Variants in LNPEP observed in about 807,000 individuals in gnomAD.
LNPEP encodes the protein leucyl and cystinyl aminopeptidase, also known as leucyl-cystinyl aminopeptidase.
In LNPEP, 64 loss-of-function variants were observed where a neutral mutation model predicts 120.6. The ratio of observed to expected loss-of-function variants is 0.53; its 90% CI spans 0.43 to 0.65. The LOEUF (loss-of-function observed/expected upper bound fraction) is 0.65. Ranked by LOEUF, LNPEP falls within the 30% of genes least tolerant of loss-of-function variation. The pLI is 0.00. For synonymous variants in LNPEP, 435 were observed against 425.4 expected, an observed-to-expected ratio of 1.02 and a Z score of -0.28; for missense variants, 1,057 against 1,200.0, an observed-to-expected ratio of 0.88 and a Z score of 1.76.
In LNPEP at chr5:97,025,210, G is replaced by A. The variant is rs116641826; in HGVS notation, c.2723+528G>A. Among the ~76,000 whole-genome samples, 975 of 152,272 alleles carry A rather than the reference G, an allele frequency of 6.4e-3. 4 individuals carry two copies. Among genetic ancestry groups the A allele is most frequent in the African/African-American group, 0.023 (949 of 41,540 alleles). The stretch of plus-strand genomic sequence containing the variant: ...CCTGACAGGAAGAACAGGCAGTGGT[G>A]GGGTAGAGGAGCTCTACATAGCCAA... On this transcript the variant is annotated intron_variant, in intron 15 of 17. Transcript: ENST00000231368.
At chr5:96,992,460 T>C (rs549556317) in intron 4 of LNPEP, among the ~76,000 whole-genome samples, 44 of 152,316 alleles carry the variant, frequency 2.9e-4, no homozygotes, top group Non-Finnish European at 5.6e-4. Context: ...GGTCTATAAT[T>C]GGTTTTTCTA....
intron 1 of LNPEP, among the ~76,000 whole-genome samples, chr5:96,941,636 T>C (rs1161502045): frequency 6.6e-6 from 1 of 152,142 alleles, no homozygotes; most frequent in Non-Finnish European, 1.5e-5. Context: ...ATATGGCCGT[T>C]ATAGAGAGTG....
chr5:96,996,610 G>C, intron 7 of LNPEP, 107 bp downstream of exon 7: 1 of 649,508 alleles, frequency 1.5e-6, no homozygotes. Flanking sequence ...ATGTTTCTAG[G>C]AAGGTATGCC....
chr5:97,008,593 C>A (rs1176646164), intron 11 of LNPEP, among the ~76,000 whole-genome samples: 1 of 150,764 alleles, frequency 6.6e-6, no homozygotes, highest in Non-Finnish European at 1.5e-5. Flanking sequence ...CTCAAGTGAT[C>A]CTCCTGCTTT....
rs1791574189 is a variant in LNPEP, at chr5:97,036,436, G to A, written c.*7903G>A. The stretch of plus-strand genomic sequence containing the variant: ...AATTTAAGCCATTGCTGCCTCATTA[G>A]CCTTGTATTTTGTGTGCATATCATG... On this transcript the variant is annotated 3_prime_UTR_variant, in exon 18 of 18. Coordinates refer to ENST00000231368, the MANE Select transcript of LNPEP (RefSeq NM_005575.3). 3 of 152,106 alleles carry A rather than the reference G, an allele frequency of 2.0e-5. No individual in the cohort carries two copies. The South Asian group carries it at 6.2e-4, about 31-fold the overall frequency. 9.4% of individuals were successfully genotyped at this position (152,106 alleles called of 1,614,324 possible). A position where few individuals can be genotyped will look rare whatever the true frequency, so the allele number is the denominator to read the frequency against.
intron 6 of LNPEP, among the ~76,000 whole-genome samples, chr5:96,995,429 A>C (rs1790493167): frequency 6.6e-6 from 1 of 152,024 alleles, no homozygotes; most frequent in African/African-American, 2.4e-5. Context: ...TTTAAGGAGA[A>C]TCTCCTATTA....
chr5:97,027,813 A>G lies in LNPEP; in HGVS notation c.2945A>G (p.Glu982Gly). ...TTTTCAACAAAGACACATTTATCTG[A>G]GGTTGGTTTTATAAAATGATAATAC... ...YLFSTKTHLS[E>G]VQAFFENQSE... The change falls in exon 17 of 18, where the codon GAG becomes GGG. Residue 982 changes from glutamate (E) to glycine (G), a missense_variant and splice_region_variant. Coordinates refer to ENST00000231368, the MANE Select transcript of LNPEP (RefSeq NM_005575.3). 6.3e-7 allele frequency: 1 copy of G among 1,595,302 alleles called. No individual in the cohort carries two copies. Among genetic ancestry groups the G allele is most frequent in the Non-Finnish European group, 8.6e-7 (1 of 1,162,902 alleles).
chr5:96,994,966 G>T (rs905313973), intron 6 of LNPEP, among the ~76,000 whole-genome samples: 3 of 152,148 alleles, frequency 2.0e-5, no homozygotes, highest in Non-Finnish European at 4.4e-5. Flanking sequence ...AAATTAGCTG[G>T]GCGTGGTGGT....
chr5:96,967,328 A>G (rs1313374349), intron 1 of LNPEP, among the ~76,000 whole-genome samples: 1 of 151,826 alleles, frequency 6.6e-6, no homozygotes, highest in Admixed American at 6.6e-5. Flanking sequence ...TTTTTTTGGT[A>G]GAAGCTGGGT....
Position 96,990,080 on chromosome 5 carries a change from A to T in LNPEP, c.1132-2935A>T, listed in dbSNP as rs1462487205. Among the ~76,000 whole-genome samples the T allele has an allele frequency of 2.6e-5, 4 of 152,234 alleles. No homozygotes were observed. The East Asian group carries it at 7.7e-4, about 29-fold the overall frequency. On this transcript the variant is annotated intron_variant, in intron 4 of 17. Coordinates refer to ENST00000231368, the MANE Select transcript of LNPEP (RefSeq NM_005575.3). ...TCTTCTAGATTATTGAGGCAACTGT[A>T]ACACAAGATATGTTTGTCTGGAAAG...
intron 1 of LNPEP, among the ~76,000 whole-genome samples, chr5:96,954,883 T>C (rs1397852037): frequency 7.0e-6 from 1 of 143,018 alleles, no homozygotes; most frequent in Non-Finnish European, 1.5e-5. Context: ...CCTGGGTTCA[T>C]GCCATTCTCC....
chr5:96,945,845 C>T (rs912924380), intron 1 of LNPEP, among the ~76,000 whole-genome samples: 7 of 152,150 alleles, frequency 4.6e-5, no homozygotes, highest in African/African-American at 1.4e-4. Flanking sequence ...CCAAGATCCT[C>T]TTTAGAGGAA....
At chr5:96,970,177 T>C (rs1471889144) in intron 1 of LNPEP, among the ~76,000 whole-genome samples, 1 of 152,088 alleles carries the variant, frequency 6.6e-6, no homozygotes, top group African/African-American at 2.4e-5. Context: ...ATTCTGTGAA[T>C]GTCAGGTCAA....
intron 1 of LNPEP, among the ~76,000 whole-genome samples, chr5:96,971,634 C>G (rs1789865995): frequency 6.6e-6 from 1 of 151,804 alleles, no homozygotes; most frequent in Non-Finnish European, 1.5e-5. Flanking sequence ...AATGATCTGT[C>G]AAGTTTATGG....
intron 11 of LNPEP, among the ~76,000 whole-genome samples, chr5:97,009,900 C>CT (rs1247476958): frequency 1.3e-5 from 2 of 152,022 alleles, no homozygotes; most frequent in African/African-American, 4.8e-5. Flanking sequence ...TGCTGTAATA[C>CT]TTTAGTATAG....
In LNPEP at chr5:97,013,841, A is replaced by T; in HGVS notation, c.2219+10A>T. The stretch of plus-strand genomic sequence containing the variant: ...TCTTTGAACTTGCAGGGTAGAGTAT[A>T]CTTAGTTTGAGATTTTTTCTTTTTT... On this transcript the variant is annotated intron_variant, in intron 12 of 17. Transcript: ENST00000231368. 1.3e-6 allele frequency: 2 copies of T among 1,561,692 alleles called. No individual in the cohort carries two copies. Among genetic ancestry groups the T allele is most frequent in the Non-Finnish European group, 8.6e-7 (1 of 1,158,058 alleles).
chr5:96,953,982 A>G (rs1212957180), intron 1 of LNPEP, among the ~76,000 whole-genome samples: 2 of 152,186 alleles, frequency 1.3e-5, no homozygotes, highest in African/African-American at 4.8e-5. Context: ...TTTGATTACT[A>G]GGTACATTGC....
At position 96,979,422 on chromosome 5, in the gene LNPEP, G is replaced by T. The variant is rs1200307124; in HGVS notation, c.304G>T (p.Ala102Ser). 1 of 1,614,070 alleles carries T rather than the reference G, an allele frequency of 6.2e-7. No homozygotes were observed. Among genetic ancestry groups the T allele is most frequent in the Non-Finnish European group, 8.5e-7 (1 of 1,179,966 alleles). The change falls in exon 2 of 18, where the codon GCT becomes TCT. Residue 102 changes from alanine to serine, a missense_variant. Transcript: ENST00000231368. ...TGGTTACAGGCAGAGCCCAGATGGGGCTTGTTCAGTACCCTCTGCAAGGAC... is the reference window on the plus strand; with the variant it reads ...TGGTTACAGGCAGAGCCCAGATGGGTCTTGTTCAGTACCCTCTGCAAGGAC... Reference protein sequence around the residue: ...ATGYRQSPDGACSVPSARTMV... With the variant: ...ATGYRQSPDGSCSVPSARTMV...
Position 96,979,222 on chromosome 5 carries a change from G to A in LNPEP, c.104G>A (p.Cys35Tyr). The change falls in exon 2 of 18, where the codon TGT becomes TAT. Residue 35 changes from cysteine (C) to tyrosine (Y), a missense_variant. Cys to Tyr is a radical substitution (Grantham distance 194). Transcript: ENST00000231368. ...PDVVDLAKEP[C>Y]LHPLEPDEVE... ...GTGGTGGATTTAGCCAAAGAGCCTT[G>A]TTTACATCCTCTAGAGCCTGATGAG... 1.2e-6 allele frequency: 2 copies of A among 1,613,912 alleles called. No individual in the cohort carries two copies. The highest frequency in any genetic ancestry group is 1.7e-6 in the Non-Finnish European group (2 of 1,179,864).
Sources: allele counts gnomAD v4.1 joint callset (sites outside exome capture counted in the v4.1 genomes callset), GRCh38; gene constraint gnomAD v4.1.1; transcripts MANE v1.5; gene names NCBI Gene and HGNC (gene_info 2026-07-23, HGNC 2026-07-21).